MGA: variants seen among roughly 807,000 people sequenced by gnomAD.
MGA encodes MAX gene-associated protein.
A neutral mutation model predicts 261.1 loss-of-function variants in MGA; 40 were observed. The observed-to-expected ratio is 0.15, with a 90% CI of 0.12 to 0.20. MGA has a LOEUF of 0.20. MGA is among the 10% of genes least tolerant of loss of function. The pLI, the probability that MGA is intolerant of heterozygous loss-of-function variation, is 1.00. For missense variants in MGA, 3,397 were observed against 3,630.5 expected, an observed-to-expected ratio of 0.94 and a Z score of 1.65; for synonymous variants, 1,302 against 1,290.6, an observed-to-expected ratio of 1.01 and a Z score of -0.19.
chr15:41,728,588 C>T (rs1164814593), intron 10 of MGA, among the ~76,000 whole-genome samples: 1 of 152,066 alleles, frequency 6.6e-6, no homozygotes, highest in African/African-American at 2.4e-5. Context: ...AATGTTGTTA[C>T]TATTCATTAG....
At chr15:41,698,803 T>A in intron 3 of MGA, 60 bp from the exon 4 acceptor site, 1 of 1,309,464 alleles carries the variant, frequency 7.6e-7, no homozygotes, top group Non-Finnish European at 1.0e-6. Flanking sequence ...TAATCCTGTT[T>A]TACATTTAAG....
intron 9 of MGA, among the ~76,000 whole-genome samples, chr15:41,718,127 T>C (rs954080837): frequency 2.0e-5 from 3 of 151,634 alleles, no homozygotes; most frequent in African/African-American, 7.3e-5. Flanking sequence ...GATTTAGATA[T>C]GAATATTTAT....
chr15:41,757,061 G>A (rs2063193527), intron 18 of MGA, among the ~76,000 whole-genome samples: 1 of 152,090 alleles, frequency 6.6e-6, no homozygotes, highest in African/African-American at 2.4e-5. Flanking sequence ...TTTTGAGAAG[G>A]AAGGAAGGGA....
chr15:41,713,127 T>TA, intron 8 of MGA, 24 bp from the exon 9 acceptor site: 1 of 1,600,998 alleles, frequency 6.2e-7, no homozygotes, highest in Non-Finnish European at 8.5e-7. Context: ...TTAGTGGAAT[T>TA]ACAATTTTCT....
At chr15:41,750,818 C>T (rs1472387307) in intron 17 of MGA, 3 of 490,770 alleles carry the variant, frequency 6.1e-6, no homozygotes, top group Middle Eastern at 1.1e-3. Flanking sequence ...TGAGACTTGT[C>T]TGGTTTTATG....
In MGA at chr15:41,742,812, A is replaced by C. The variant is rs946463167; in HGVS notation, c.4852A>C (p.Ile1618Leu). The change falls in exon 15 of 24, where the codon ATT (isoleucine) becomes CTT (leucine). Residue 1618 changes from isoleucine to leucine, a missense_variant. Transcript: ENST00000219905. ...TACTGCTGTGACACCTATGACTGCT[A>C]TTTCTGACGTGGAAACTAAAGAAAC... 1 of 1,613,888 alleles carries C rather than the reference A, an allele frequency of 6.2e-7. No homozygotes were observed. The highest frequency in any genetic ancestry group is 1.1e-5 in the South Asian group (1 of 91,076).
chr15:41,689,556 CTTTTTCTTTTTTT>C (rs373993740), intron 2 of MGA, among the ~76,000 whole-genome samples: 1,905 of 149,428 alleles, frequency 0.013, 49 homozygotes, highest in African/African-American at 0.044. Context: ...GGTTCATTTT[CTTTTTCTTTTTTT>C]TTTTTCTTTT....
At chr15:41,670,861 A>G (rs2058021270) in intron 2 of MGA, among the ~76,000 whole-genome samples, 2 of 147,190 alleles carry the variant, frequency 1.4e-5, no homozygotes, top group Admixed American at 1.4e-4. Context: ...TGGTTGGGCA[A>G]TTTATGGATT....
In MGA at chr15:41,736,673, G is replaced by A. The variant is rs1325880190; in HGVS notation, c.4409G>A (p.Ser1470Asn). The A allele has an allele frequency of 6.2e-7, 1 of 1,612,024 alleles. No individual in the cohort carries two copies. Among genetic ancestry groups the A allele is most frequent in the Non-Finnish European group, 8.5e-7 (1 of 1,178,994 alleles). The change falls in exon 13 of 24, where the codon AGT becomes AAT. Residue 1470 changes from serine (S) to asparagine (N), a missense_variant. This residue lies in a region of MGA where 1,410 missense variants were observed against 1,386.4 expected (regional missense o/e 1.02). Coordinates refer to ENST00000219905, the MANE Select transcript of MGA (RefSeq NM_001164273.2). ...CTTGTGGCCTATAAACGTAAACCCA[G>A]TTCAAGTACATCTGGGCTTATCCAG...
intron 22 of MGA, 96 bp downstream of exon 22, chr15:41,762,458 G>C: frequency 9.3e-6 from 2 of 214,124 alleles, no homozygotes; most frequent in Non-Finnish European, 1.5e-5. Flanking sequence ...TTAGTTTTGT[G>C]TGGTTTTTTT....
chr15:41,765,039 C>A lies in MGA; in HGVS notation c.7898C>A (p.Ala2633Asp). Residue 2633 changes from alanine (A) to aspartate (D), a missense_variant, in exon 23 of 24, where the codon GCC becomes GAC. Physicochemically the swap from Ala to Asp is moderately radical, Grantham distance 126. This residue lies in a region of MGA where 647 missense variants were observed against 642.4 expected (regional missense o/e 1.01). Coordinates refer to ENST00000219905, the MANE Select transcript of MGA (RefSeq NM_001164273.2). ...GAATCTGATCTTAAGCCTCAAGTTG[C>A]CGGTAGTGCTGTGGCTCTACCAGGT... 6.2e-7 allele frequency: 1 copy of A among 1,613,998 alleles called. No individual in the cohort carries two copies. Among genetic ancestry groups the A allele is most frequent in the Non-Finnish European group, 8.5e-7 (1 of 1,179,874 alleles).
At chr15:41,665,315 T>C (rs1439558284) in intron 1 of MGA, among the ~76,000 whole-genome samples, 2 of 152,180 alleles carry the variant, frequency 1.3e-5, no homozygotes, top group Admixed American at 1.3e-4. Flanking sequence ...CATCTTCCTT[T>C]TTGTATAAAA....
chr15:41,752,586 G>A (rs905219971), intron 17 of MGA, among the ~76,000 whole-genome samples: 9 of 104,576 alleles, frequency 8.6e-5, no homozygotes, highest in East Asian at 2.8e-4. Context: ...ACAGAGTCTC[G>A]CTTTGTCGCC....
rs529064415 is a variant in MGA at position 41,692,713 on chromosome 15, TTCCTTTTTCTTTTTTTGAG to T, written c.1065-3361_1065-3343del. ...AGGTGGAAATCTTCCATTGGAGGAT[TTCCTTTTTCTTTTTTTGAG>T]ACGGAGTCTCACTCTGTCACCCAGG... is the stretch of plus-strand genomic sequence containing the variant. On this transcript the variant is annotated intron_variant, in intron 2 of 23. Transcript: ENST00000219905. Among the ~76,000 whole-genome samples the T allele has an allele frequency of 3.3e-5, 5 of 152,244 alleles. No individual in the cohort carries two copies. The South Asian group carries it at 1.0e-3, about 32-fold the overall frequency.
intron 9 of MGA, among the ~76,000 whole-genome samples, chr15:41,726,118 C>G (rs1056040040): frequency 6.6e-6 from 1 of 152,128 alleles, no homozygotes; most frequent in Non-Finnish European, 1.5e-5. Context: ...GTTTTTACTC[C>G]TGTACTGAGT....
intron 1 of MGA, among the ~76,000 whole-genome samples, chr15:41,642,977 G>A (rs2056854884): frequency 6.7e-6 from 1 of 150,028 alleles, no homozygotes; most frequent in South Asian, 2.1e-4. Flanking sequence ...GCAGTGGCAT[G>A]GTCAGGGCTC....
chr15:41,755,528 A>G (rs2063100372), intron 18 of MGA, among the ~76,000 whole-genome samples: 1 of 152,256 alleles, frequency 6.6e-6, no homozygotes, highest in East Asian at 1.9e-4. Flanking sequence ...AAATATTTGC[A>G]ATAGTAACAG....
In MGA at chr15:41,735,176, A is replaced by T. The variant is rs181994605; in HGVS notation, c.3916+582A>T. On this transcript the variant is annotated intron_variant, in intron 12 of 23. Coordinates refer to ENST00000219905, the MANE Select transcript of MGA (RefSeq NM_001164273.2). ...CACATTGCGGTAAGTGGAGGAGGCT[A>T]CTAGGGTGGAGGGAACCTGCCTGAG... Among the ~76,000 whole-genome samples, 41 of 152,304 alleles carry T rather than the reference A, an allele frequency of 2.7e-4. No individual in the cohort carries two copies. The East Asian group carries it at 3.5e-3, about 13-fold the overall frequency.
rs530149256 is a variant in MGA, at chr15:41,683,176, T to C, written c.1065-12899T>C. On this transcript the variant is annotated intron_variant, in intron 2 of 23. Transcript: ENST00000219905. ...TATTGATCCCTCATATTATGAAATT[T>C]CAGTTATAAACCTTGGTGTGGTGGT... is the stretch of plus-strand genomic sequence containing the variant. Among the ~76,000 whole-genome samples, 9 of 152,270 alleles carry C rather than the reference T, an allele frequency of 5.9e-5. No homozygotes were observed. In the East Asian group the frequency reaches 1.7e-3, roughly 29 times the overall value.
Sources: gnomAD v4.1 joint callset for allele counts (sites outside exome capture counted in the v4.1 genomes callset) on GRCh38, gnomAD v4.1.1 for gene constraint, gnomAD v4.1.1 regional missense constraint, MANE v1.5 for transcripts, NCBI Gene and HGNC (gene_info 2026-07-23, HGNC 2026-07-21) for gene names.